MCF2L: variants seen among roughly 807,000 people sequenced by gnomAD.
MCF2L encodes guanine nucleotide exchange factor DBS.
A neutral mutation model predicts 153.4 loss-of-function variants in MCF2L; 97 were observed. That is an observed-to-expected ratio of 0.63 (90% CI 0.54 to 0.75). The LOEUF (loss-of-function observed/expected upper bound fraction) is 0.75, where lower values mean the gene tolerates loss of function less well. Among genes scored for constraint, MCF2L ranks in the 30% least tolerant of loss-of-function variants. MCF2L has a pLI of 0.00. For missense variants in MCF2L, 1,347 were observed against 1,495.2 expected, an observed-to-expected ratio of 0.90 and a Z score of 1.64; for synonymous variants, 659 against 632.2, an observed-to-expected ratio of 1.04 and a Z score of -0.64.
At chr13:113,090,209 T>TCG (rs2035070480) in intron 26 of MCF2L, 1 of 1,479,008 alleles carries the variant, frequency 6.8e-7, no homozygotes, top group Non-Finnish European at 9.1e-7. Context: ...GTGGCGTCTG[T>TCG]CATGCATCGT....
At chr13:113,002,189 G>A (rs1294600360) in intron 1 of MCF2L, among the ~76,000 whole-genome samples, 1 of 152,222 alleles carries the variant, frequency 6.6e-6, no homozygotes, top group Non-Finnish European at 1.5e-5. Context: ...GGCAGGGAAG[G>A]TGTGCACGGG....
rs371457802 is a variant in MCF2L at position 113,064,654 on chromosome 13, A to G, written c.606+234A>G. On this transcript the variant is annotated intron_variant, in intron 6 of 29. Transcript: ENST00000535094. The surrounding 1 kb of genome is among the most constrained non-coding windows in gnomAD (Gnocchi z 6.0). Reference sequence around the variant, plus strand: ...CTTGGAGACCAAAAAAAAAAAAAAAACCCTTGCGTTGTGGTTTGCAACACT... The same window carrying G: ...CTTGGAGACCAAAAAAAAAAAAAAAGCCCTTGCGTTGTGGTTTGCAACACT... 3.5e-6 allele frequency: 2 copies of G among 572,462 alleles called. No homozygotes were observed. The highest frequency in any genetic ancestry group is 1.9e-5 in the African/African-American group (1 of 52,666). 35.5% of individuals were successfully genotyped at this position (572,462 alleles called of 1,614,324 possible).
At position 113,090,679 on chromosome 13, in the gene MCF2L, C is replaced by T. The variant is rs181455149; in HGVS notation, c.2953+951C>T. The T allele has an allele frequency of 1.7e-4, 166 of 985,468 alleles. No individual in the cohort carries two copies. The Admixed American group carries it at 4.2e-3, about 25-fold the overall frequency. The allele number at this position is 985,468 out of a possible 1,614,324, so 61.0% of individuals were successfully genotyped here. On this transcript the variant is annotated intron_variant, in intron 26 of 29. Coordinates refer to ENST00000535094, the MANE Select transcript of MCF2L (RefSeq NM_001112732.3). ...AATGGGCCCAGGAGGCCCTGGAAGC[C>T]GGCCCTGGCGTGCAGGCGGCTCTTC... is the stretch of plus-strand genomic sequence containing the variant.
In MCF2L at chr13:112,908,690, G is replaced by A. The variant is rs371176055; in HGVS notation, c.169+6319G>A. 3.3e-5 allele frequency among the ~76,000 whole-genome samples: 5 copies of A among 151,966 alleles called. No homozygotes were observed. The East Asian group carries it at 7.7e-4, about 24-fold the overall frequency. ...GGCAAGCATCACTAGTCACCAGCGT[G>A]TCAGACACAAACACCAGGCTCATGT... is the stretch of plus-strand genomic sequence containing the variant. On this transcript the variant is annotated intron_variant, in intron 2 of 29. Coordinates refer to the MCF2L transcript ENST00000375608.
In MCF2L at chr13:113,064,815, C is replaced by A; in HGVS notation, c.607-121C>A. 9.0e-7 allele frequency: 1 copy of A among 1,108,352 alleles called. No individual in the cohort carries two copies. The highest frequency in any genetic ancestry group is 1.3e-6 in the Non-Finnish European group (1 of 781,864). The allele number at this position is 1,108,352 out of a possible 1,614,324, so 68.7% of individuals were successfully genotyped here. A position where few individuals can be genotyped will look rare whatever the true frequency, so the allele number is the denominator to read the frequency against. On this transcript the variant is annotated intron_variant, in intron 6 of 29. Coordinates refer to ENST00000535094, the MANE Select transcript of MCF2L (RefSeq NM_001112732.3). The surrounding 1 kb of genome is among the most constrained non-coding windows in gnomAD (Gnocchi z 6.0). Reference sequence around the variant, plus strand: ...TATGGGAGGGCGTTCACCGTCTTTGCGTCAGCCGGTCTCACCTGATGGGTC... The same window carrying A: ...TATGGGAGGGCGTTCACCGTCTTTGAGTCAGCCGGTCTCACCTGATGGGTC...
chr13:112,988,059 C>T (rs551707861), intron 1 of MCF2L, among the ~76,000 whole-genome samples: 5 of 152,290 alleles, frequency 3.3e-5, no homozygotes, highest in African/African-American at 7.2e-5. Flanking sequence ...GGCTGCGGGG[C>T]GAGGAGGCCT....
chr13:112,999,769 A>T (rs928681108), intron 1 of MCF2L, among the ~76,000 whole-genome samples: 1 of 151,986 alleles, frequency 6.6e-6, no homozygotes, highest in South Asian at 2.1e-4. Flanking sequence ...CTGTGAGGGG[A>T]CCCACCGTGT....
upstream of MCF2L, among the ~76,000 whole-genome samples, chr13:112,968,142 T>TGGGGG (rs757286592): frequency 2.5e-4 from 15 of 59,478 alleles, no homozygotes; most frequent in South Asian, 1.0e-3. Context: ...GGGAGTGAGG[T>TGGGGG]GGGGGGGGGG....
In MCF2L at chr13:113,070,189, T is replaced by A. The variant is rs1435014401; in HGVS notation, c.996+16T>A. Reference sequence around the variant, plus strand: ...CTTCCGGGAGGTGAGTGGCCCTGGGTGGAGCCGGCAGCCGCCCTGATGCTC... The same window carrying A: ...CTTCCGGGAGGTGAGTGGCCCTGGGAGGAGCCGGCAGCCGCCCTGATGCTC... On this transcript the variant is annotated intron_variant, in intron 9 of 29. Transcript: ENST00000535094. The surrounding 1 kb of genome is among the most constrained non-coding windows in gnomAD (Gnocchi z 5.6). 3.2e-6 allele frequency: 5 copies of A among 1,544,860 alleles called. No individual in the cohort carries two copies. In the Admixed American group the frequency reaches 1.0e-4, roughly 31 times the overall value.
At chr13:113,025,850 G>T (rs1336898550) in intron 3 of MCF2L, among the ~76,000 whole-genome samples, 25 of 119,634 alleles carry the variant, frequency 2.1e-4, no homozygotes, top group East Asian at 5.6e-4. Flanking sequence ...GTTTCATCAT[G>T]GTGGGGTCCC....
At chr13:112,936,601 T>C (rs1233107930) in intron 2 of MCF2L, among the ~76,000 whole-genome samples, 1 of 152,234 alleles carries the variant, frequency 6.6e-6, no homozygotes, top group African/African-American at 2.4e-5. Flanking sequence ...TTAGCAAGTT[T>C]ATTTACCTAG....
At chr13:112,996,644 C>T (rs958672818) in intron 1 of MCF2L, among the ~76,000 whole-genome samples, 4 of 152,200 alleles carry the variant, frequency 2.6e-5, no homozygotes, top group African/African-American at 9.7e-5. Flanking sequence ...GTGTGCCCCA[C>T]GGGCCCGGGA....
rs2087484998 is a variant in MCF2L, at chr13:113,053,209, C to T, written c.370-7384C>T. On this transcript the variant is annotated intron_variant, in intron 4 of 29. Transcript: ENST00000535094. The surrounding 1 kb of genome is among the most constrained non-coding windows in gnomAD (Gnocchi z 4.4). ...ACACATGGGGCTTTCTCCACGTGCC[C>T]CGTCATGTCCTTCCTGTATTTGTTA... is the stretch of plus-strand genomic sequence containing the variant. Among the ~76,000 whole-genome samples the T allele has an allele frequency of 6.6e-6, 1 of 152,212 alleles. No homozygotes were observed. Among genetic ancestry groups the T allele is most frequent in the African/African-American group, 2.4e-5 (1 of 41,446 alleles).
chr13:112,988,876 G>A lies in MCF2L; in HGVS notation c.79+19418G>A, dbSNP rs867449684. On this transcript the variant is annotated intron_variant, in intron 1 of 29. Transcript: ENST00000535094. ...AAGTCCTCCCTGAGCAGGGGATGGA[G>A]CTACCACGCCCGAGTCCTCCCTGAG... Among the ~76,000 whole-genome samples, 157 of 106,110 alleles carry A rather than the reference G, an allele frequency of 1.5e-3. 3 individuals are homozygous for A. The highest frequency in any genetic ancestry group is 5.7e-3 in the African/African-American group (136 of 23,962). 69.6% of individuals were successfully genotyped at this position (106,110 alleles called of 152,430 possible).
intron 1 of MCF2L, chr13:112,985,469 C>G (rs538338749): frequency 2.1e-6 from 1 of 470,910 alleles, no homozygotes; most frequent in African/African-American, 2.0e-5. Context: ...GGCTGCTGTC[C>G]GTGGCTGAGG....
In MCF2L at chr13:113,098,886, G is replaced by A. The variant is rs77711555; in HGVS notation, c.*2027G>A. 1 of 152,466 alleles carries A rather than the reference G, an allele frequency of 6.6e-6. No homozygotes were observed. Among genetic ancestry groups the A allele is most frequent in the East Asian group, 1.9e-4 (1 of 5,194 alleles). 9.4% of individuals were successfully genotyped at this position (152,466 alleles called of 1,614,324 possible). A position where few individuals can be genotyped will look rare whatever the true frequency, so the allele number is the denominator to read the frequency against. On this transcript the variant is annotated 3_prime_UTR_variant, in exon 30 of 30. Coordinates refer to ENST00000535094, the MANE Select transcript of MCF2L (RefSeq NM_001112732.3). ...TATTGATCCAATAGAAGAAGGGAAG[G>A]GTGGAGAAAGGGGAAAGCATGGTTA...
chr13:112,912,249 T>C (rs1352017891), intron 2 of MCF2L, among the ~76,000 whole-genome samples: 1 of 152,198 alleles, frequency 6.6e-6, no homozygotes, highest in African/African-American at 2.4e-5. Flanking sequence ...CAGGAGTGGG[T>C]AATGTCTGGG....
intron 2 of MCF2L, among the ~76,000 whole-genome samples, chr13:112,949,167 T>C (rs1338555946): frequency 6.6e-6 from 1 of 152,230 alleles, no homozygotes; most frequent in Non-Finnish European, 1.5e-5. Flanking sequence ...GACTACTTTC[T>C]TAAAAAGCAC....
chr13:112,972,005 C>T (rs947890759), intron 1 of MCF2L, among the ~76,000 whole-genome samples: 2 of 152,204 alleles, frequency 1.3e-5, no homozygotes, highest in Non-Finnish European at 2.9e-5. Flanking sequence ...GCTGCTGGGC[C>T]CACCCTCAGA....
Sources: allele counts gnomAD v4.1 joint callset (sites outside exome capture counted in the v4.1 genomes callset), GRCh38; gene constraint gnomAD v4.1.1; non-coding constraint Gnocchi (gnomAD v3.1); transcripts MANE v1.5; gene names NCBI Gene and HGNC (gene_info 2026-07-23, HGNC 2026-07-21).